Variants in SH3D19 observed in about 807,000 individuals in gnomAD.
SH3D19 encodes the protein SH3 domain-containing protein 19.
A neutral mutation model predicts 112.1 loss-of-function variants in SH3D19; 58 were observed. The observed-to-expected ratio is 0.52, with a 90% CI of 0.42 to 0.64. SH3D19 has a LOEUF of 0.64. SH3D19 is among the 30% of genes least tolerant of loss of function. The probability of loss-of-function intolerance (pLI) is 0.00; values close to 1 mark genes in which losing one functional copy is unlikely to be tolerated. For missense variants in SH3D19, 1,090 were observed against 1,263.4 expected (o/e 0.86, Z 2.08); for synonymous variants, 391 against 448.5 (o/e 0.87, Z 1.62).
chr4:151,284,633 G>A (rs1190295549), intron 1 of SH3D19, among the ~76,000 whole-genome samples: 4 of 152,134 alleles, frequency 2.6e-5, no homozygotes, highest in South Asian at 2.1e-4. Context: ...CTTGGAAAAC[G>A]TTTTCCTGTT....
intron 2 of SH3D19, among the ~76,000 whole-genome samples, chr4:151,199,018 C>CTTTTTTTTTTT: frequency 8.4e-6 from 1 of 119,406 alleles, no homozygotes; most frequent in Non-Finnish European, 1.9e-5. Flanking sequence ...CAGCTAACAT[C>CTTTTTTTTTTT]TTTTTTTTTT....
chr4:151,296,898 AT>A (rs1358232476), intron 1 of SH3D19, among the ~76,000 whole-genome samples: 1 of 152,174 alleles, frequency 6.6e-6, no homozygotes, highest in Non-Finnish European at 1.5e-5. Context: ...CTAAACTGTA[AT>A]GTTACCCCAA....
chr4:151,149,066 A>G (rs571457497), intron 10 of SH3D19, among the ~76,000 whole-genome samples: 1 of 152,234 alleles, frequency 6.6e-6, no homozygotes, highest in African/African-American at 2.4e-5. Flanking sequence ...AAATTTCAAC[A>G]TAGTAATAAT....
intron 1 of SH3D19, among the ~76,000 whole-genome samples, chr4:151,261,779 A>G (rs1204102865): frequency 1.3e-5 from 2 of 152,198 alleles, no homozygotes; most frequent in East Asian, 3.8e-4. Context: ...AGTAAAAAGG[A>G]CAGAGTAATG....
At chr4:151,282,387 G>A in intron 1 of SH3D19, 1 of 1,613,878 alleles carries the variant, frequency 6.2e-7, no homozygotes, top group Non-Finnish European at 8.5e-7. Context: ...TGGGTGACCG[G>A]ATGGGGAAAA....
At chr4:151,234,513 C>A (rs1329533276) in intron 1 of SH3D19, among the ~76,000 whole-genome samples, 1 of 152,094 alleles carries the variant, frequency 6.6e-6, no homozygotes. Context: ...GGGTCATCAA[C>A]CCTTCCTGCT....
intron 12 of SH3D19, among the ~76,000 whole-genome samples, chr4:151,143,055 A>G (rs1306176668): frequency 6.6e-6 from 1 of 152,108 alleles, no homozygotes; most frequent in East Asian, 1.9e-4. Flanking sequence ...CTGGCAACAT[A>G]GTGAGACCCT....
intron 13 of SH3D19, among the ~76,000 whole-genome samples, chr4:151,138,659 G>A (rs998923075): frequency 6.7e-6 from 1 of 148,226 alleles, no homozygotes; most frequent in Admixed American, 6.9e-5. Context: ...CTGCACTCAA[G>A]CCTAGGCGAC....
chr4:151,281,347 A>G (rs1302189141), intron 1 of SH3D19, among the ~76,000 whole-genome samples: 2 of 152,214 alleles, frequency 1.3e-5, no homozygotes, highest in East Asian at 1.9e-4. Context: ...TAATCACCCA[A>G]TAGGACCCAG....
chr4:151,179,380 GA>G lies in SH3D19; in HGVS notation c.210del (p.Gln71ArgfsTer21). The G allele has an allele frequency of 1.6e-6, 2 of 1,229,812 alleles. No homozygotes were observed. Among genetic ancestry groups the G allele is most frequent in the South Asian group, 8.2e-5 (2 of 24,268 alleles). 76.2% of individuals were successfully genotyped at this position (1,229,812 alleles called of 1,614,324 possible). ...CTTCTATCTCGATGAAGTTCACTCT[GA>G]ATAGAAGTCCGAGAAGCTGTTGAAG... ...AVIKRSSRTSIQSELHRDRRR... is the reference protein window; with the variant it reads ...AVIKRSSRTSXQSELHRDRRR... On this transcript the variant is annotated frameshift_variant, in exon 4 of 20. Transcript: ENST00000604030. LOFTEE classifies it high-confidence loss of function.
chr4:151,310,338 C>T (rs1286325387), intron 1 of SH3D19, among the ~76,000 whole-genome samples: 1 of 151,964 alleles, frequency 6.6e-6, no homozygotes, highest in African/African-American at 2.4e-5. Context: ...CACACCACCA[C>T]ACTCCAGCCT....
intron 1 of SH3D19, among the ~76,000 whole-genome samples, chr4:151,253,361 C>T (rs150141899): frequency 9.2e-5 from 14 of 152,330 alleles, no homozygotes; most frequent in Non-Finnish European, 2.1e-4. Flanking sequence ...GCTCAGAAAT[C>T]ACCTCAGTGA....
chr4:151,218,511 C>A (rs1434463964), intron 2 of SH3D19, among the ~76,000 whole-genome samples: 1 of 151,954 alleles, frequency 6.6e-6, no homozygotes, highest in Non-Finnish European at 1.5e-5. Context: ...CTCCTGGGAT[C>A]AAGCAATCCT....
At position 151,154,620 on chromosome 4, in the gene SH3D19, A is replaced by C. The variant is rs528427672; in HGVS notation, c.1755+4620T>G. The stretch of plus-strand genomic sequence containing the variant: ...GAGACAGAGGCTTGCTCTGTTGCCC[A>C]AGCTGGAGTGCAGTGGTGCGATCTC... On this transcript the variant is annotated intron_variant, in intron 9 of 19. Coordinates refer to ENST00000604030, the MANE Select transcript of SH3D19 (RefSeq NM_001378122.1). 7.3e-4 allele frequency among the ~76,000 whole-genome samples: 110 copies of C among 151,634 alleles called. 1 individual carries two copies. In the Middle Eastern group the frequency reaches 0.027, roughly 38 times the overall value.
chr4:151,297,440 G>T (rs1488640589), intron 1 of SH3D19, among the ~76,000 whole-genome samples: 2 of 152,196 alleles, frequency 1.3e-5, no homozygotes, highest in African/African-American at 4.8e-5. Flanking sequence ...GAATAGGATA[G>T]GATGAGGGCC....
chr4:151,168,605 T>A (rs1758521193), intron 7 of SH3D19, among the ~76,000 whole-genome samples: 1 of 151,974 alleles, frequency 6.6e-6, no homozygotes, highest in African/African-American at 2.4e-5. Flanking sequence ...TGGCTAATTT[T>A]TATTTTTTGT....
Position 151,226,223 on chromosome 4 carries a change from CTCT to C in SH3D19, c.113-140_113-138del, listed in dbSNP as rs1174194082. On this transcript the variant is annotated intron_variant, in intron 1 of 19. Coordinates refer to ENST00000604030, the MANE Select transcript of SH3D19 (RefSeq NM_001378122.1). ...TAGTTGTGTCTTCCTAAGTATAAGG[CTCT>C]TCATCACAGTTCGCCTGACAGAGGC... The C allele has an allele frequency of 2.4e-6, 3 of 1,225,824 alleles. No individual in the cohort carries two copies. The African/African-American group carries it at 4.7e-5, about 19-fold the overall frequency. The allele number at this position is 1,225,824 out of a possible 1,614,324, so 75.9% of individuals were successfully genotyped here.
At chr4:151,322,321 C>T (rs757636157) in intron 1 of SH3D19, among the ~76,000 whole-genome samples, 1 of 151,100 alleles carries the variant, frequency 6.6e-6, no homozygotes, top group Non-Finnish European at 1.5e-5. Flanking sequence ...TAATCCCAGC[C>T]ACTCTGTAGG....
At chr4:151,276,595 A>C (rs906327256) in intron 1 of SH3D19, among the ~76,000 whole-genome samples, 1 of 152,148 alleles carries the variant, frequency 6.6e-6, no homozygotes, top group Non-Finnish European at 1.5e-5. Flanking sequence ...AACGCATCAC[A>C]GTTCAACTCT....
Sources: allele counts gnomAD v4.1 joint callset (sites outside exome capture counted in the v4.1 genomes callset), GRCh38; gene constraint gnomAD v4.1.1; transcripts MANE v1.5; gene names NCBI Gene and HGNC (gene_info 2026-07-23, HGNC 2026-07-21).